Variants in LRRC71 observed in about 807,000 individuals in gnomAD.
The protein encoded by LRRC71 is leucine rich repeat containing 71, also known as leucine-rich repeat-containing protein 71.
Under a neutral mutation model 66.6 loss-of-function variants are expected in LRRC71, and 54 were observed. The ratio of observed to expected loss-of-function variants is 0.81; its 90% confidence interval spans 0.65 to 1.02. The LOEUF (loss-of-function observed/expected upper bound fraction) is 1.02, where lower values mean the gene tolerates loss of function less well. Ranked by LOEUF, LRRC71 falls within the 50% of genes least tolerant of loss-of-function variation. LRRC71 has a pLI of 0.00. For synonymous variants in LRRC71, 323 were observed against 303.9 expected (o/e 1.06, Z -0.65); for missense variants, 724 against 718.0 (o/e 1.01, Z -0.10).
At chr1:156,932,062 G>A (rs940942983) in intron 13 of LRRC71, 35 bp downstream of exon 13, 8 of 1,520,448 alleles carry the variant, frequency 5.3e-6, no homozygotes, top group Admixed American at 3.9e-5. Flanking sequence ...CTCCTGTCAT[G>A]AGGCTACCCG....
At chr1:156,937,332 A>T, downstream of LRRC71, 1 of 1,613,530 alleles carries the variant, frequency 6.2e-7, no homozygotes, top group South Asian at 1.1e-5. Flanking sequence ...CTTGGAGGAG[A>T]GCGGCTGGGG....
Position 156,932,491 on chromosome 1 carries a change from C to T in LRRC71, c.1509C>T (p.Ser503=), listed in dbSNP as rs1243162516. ...CGGTGCAGTATCAGATGCAGTTCTC[C>T]AAGGCCAAGAGTGCATCCAAGGGTC... ...LATVQYQMQF[S]KAKSASKGPV... Residue 503 remains serine (S), a synonymous_variant, in exon 14 of 15, where the codon TCC becomes TCT. Transcript: ENST00000337428. 8 of 1,613,960 alleles carry T rather than the reference C, an allele frequency of 5.0e-6. No homozygotes were observed. Among genetic ancestry groups the T allele is most frequent in the Non-Finnish European group, 6.8e-6 (8 of 1,179,868 alleles).
Position 156,929,606 on chromosome 1 carries a change from C to T in LRRC71, c.1147-30C>T, listed in dbSNP as rs568398124. The T allele has an allele frequency of 3.2e-6, 5 of 1,562,790 alleles. No individual in the cohort carries two copies. In the South Asian group the frequency reaches 5.9e-5, roughly 18 times the overall value. ...CTGCCCATCCCCTCCGGAGGTGGGA[C>T]TTGCCCCTCTCTTCTCACATTCTCC... On this transcript the variant is annotated intron_variant, in intron 10 of 14. Coordinates refer to ENST00000337428, the MANE Select transcript of LRRC71 (RefSeq NM_144702.3).
At chr1:156,932,054 C>G (rs1384961518) in intron 13 of LRRC71, 27 bp downstream of exon 13, 1 of 1,546,084 alleles carries the variant, frequency 6.5e-7, no homozygotes, top group Non-Finnish European at 8.8e-7. Flanking sequence ...CCCCTGTCCT[C>G]CTGTCATGAG....
chr1:156,927,708 TCA>T (rs749669130), intron 7 of LRRC71, 23 bp from the exon 8 acceptor site: 1 of 1,606,240 alleles, frequency 6.2e-7, no homozygotes, highest in East Asian at 2.2e-5. Flanking sequence ...CTTGGGCGGC[TCA>T]CGCGTCCCTG....
intron 1 of LRRC71, among the ~76,000 whole-genome samples, chr1:156,922,094 C>G (rs1171632690): frequency 6.6e-6 from 1 of 152,078 alleles, no homozygotes; most frequent in Non-Finnish European, 1.5e-5. Context: ...GTGATGCCAG[C>G]TGGACAGCTG....
the LRRC71 span, chr1:156,939,299 TTCAG>T: frequency 1.8e-6 from 1 of 549,392 alleles, no homozygotes; most frequent in Non-Finnish European, 3.2e-6. Flanking sequence ...TAAAACAAAG[TTCAG>T]AGATGATTCA....
chr1:156,921,014 G>C, intron 1 of LRRC71, 51 bp downstream of exon 1: 1 of 1,451,718 alleles, frequency 6.9e-7, no homozygotes, highest in Non-Finnish European at 9.1e-7. Flanking sequence ...GCGTCTTCCC[G>C]GGTTCCCACT....
At chr1:156,938,595 G>A in the LRRC71 span, 1 of 1,384,828 alleles carries the variant, frequency 7.2e-7, no homozygotes, top group Non-Finnish European at 1.0e-6. Flanking sequence ...GAAGGAGAGA[G>A]GGCAGGAGGT....
At chr1:156,924,122 G>A (rs1652815507) in intron 2 of LRRC71, 24 bp downstream of exon 2, 1 of 1,548,390 alleles carries the variant, frequency 6.5e-7, no homozygotes, top group Non-Finnish European at 8.7e-7. Context: ...GAGCTCCCCG[G>A]TGCCTGCCAG....
At chr1:156,927,841 A>G (rs1332458161) in intron 8 of LRRC71, 25 bp downstream of exon 8, 1 of 1,612,758 alleles carries the variant, frequency 6.2e-7, no homozygotes, top group Non-Finnish European at 8.5e-7. Flanking sequence ...CAGGTGGGGC[A>G]GGGGCGTGGG....
chr1:156,925,104 C>A, intron 5 of LRRC71, 89 bp downstream of exon 5: 3 of 1,271,556 alleles, frequency 2.4e-6, no homozygotes, highest in South Asian at 1.3e-5. Flanking sequence ...AGTGGCAGGT[C>A]CCAGCTCCTG....
At chr1:156,940,196 G>A in the LRRC71 span, 1 of 1,566,356 alleles carries the variant, frequency 6.4e-7, no homozygotes, top group South Asian at 1.2e-5. Flanking sequence ...GCAGGGCCTT[G>A]AAGCACTCAC....
intron 6 of LRRC71, 81 bp downstream of exon 6, chr1:156,927,351 C>T: frequency 6.4e-7 from 1 of 1,551,256 alleles, no homozygotes; most frequent in Non-Finnish European, 8.8e-7. Flanking sequence ...CCTTCCTTGT[C>T]CCCCTACCAT....
rs1403295339 is a variant in LRRC71 at position 156,929,341 on chromosome 1, T to G, written c.1058T>G (p.Ile353Ser). Residue 353 changes from isoleucine to serine, a missense_variant, in exon 10 of 15, where the codon ATC becomes AGC. Transcript: ENST00000337428. ...TDREKSQMVG[I>S]SNSALVDKTD... ...CGTGAGAAGAGTCAGATGGTAGGGA[T>G]CAGCAATAGTGCATTGGTGGACAAG... is the stretch of plus-strand genomic sequence containing the variant. The G allele has an allele frequency of 3.7e-6, 6 of 1,613,052 alleles. No individual in the cohort carries two copies. The highest frequency in any genetic ancestry group is 5.1e-6 in the Non-Finnish European group (6 of 1,179,582).
At position 156,930,613 on chromosome 1, in the gene LRRC71, C is replaced by A; in HGVS notation, c.1325C>A (p.Ser442Tyr). The A allele has an allele frequency of 6.4e-7, 1 of 1,560,554 alleles. No individual in the cohort carries two copies. Among genetic ancestry groups the A allele is most frequent in the Non-Finnish European group, 8.7e-7 (1 of 1,152,104 alleles). Residue 442 changes from serine (S) to tyrosine (Y), a missense_variant, in exon 12 of 15, where the codon TCC becomes TAC. Ser to Tyr is a moderately radical substitution (Grantham distance 144). Coordinates refer to ENST00000337428, the MANE Select transcript of LRRC71 (RefSeq NM_144702.3). ...GAGAAGCGCAGCATCCTCCTGGAGTCCGAGGTAAGTTGCCAGGAGGAGTGG... is the reference window on the plus strand; with the variant it reads ...GAGAAGCGCAGCATCCTCCTGGAGTACGAGGTAAGTTGCCAGGAGGAGTGG... ...SREKRSILLESELVVEATEVV... is the reference protein window; with the variant it reads ...SREKRSILLEYELVVEATEVV...
downstream of LRRC71, chr1:156,936,829 G>A (rs138454533): frequency 3.6e-5 from 58 of 1,613,762 alleles, no homozygotes; most frequent in Non-Finnish European, 4.2e-5. Flanking sequence ...CCTCAGGGCA[G>A]GGCCCCAGTT....
intron 9 of LRRC71, among the ~76,000 whole-genome samples, chr1:156,928,563 C>CTTT (rs58180096): frequency 7.1e-4 from 57 of 80,226 alleles, no homozygotes; most frequent in Admixed American, 1.4e-3. Context: ...CTTCTTCTTA[C>CTTT]TTTTTTTTTT....
At chr1:156,926,407 C>G (rs1390475778) in intron 5 of LRRC71, among the ~76,000 whole-genome samples, 1 of 152,290 alleles carries the variant, frequency 6.6e-6, no homozygotes, top group African/African-American at 2.4e-5. Context: ...CACAGGCTGC[C>G]TGAGTGTCCT....
Sources: allele counts gnomAD v4.1 joint callset (sites outside exome capture counted in the v4.1 genomes callset), GRCh38; gene constraint gnomAD v4.1.1; transcripts MANE v1.5; gene names NCBI Gene and HGNC (gene_info 2026-07-23, HGNC 2026-07-21).